The following CSGALNACT1 variants were observed in gnomAD, a reference collection of about 807,000 sequenced individuals.
The protein encoded by CSGALNACT1 is beta4GalNAcT-1.
In CSGALNACT1, 52 loss-of-function variants were observed where a neutral mutation model predicts 51.0. The ratio of observed to expected loss-of-function variants is 1.02; its 90% CI spans 0.82 to 1.29. CSGALNACT1 has a LOEUF of 1.29. Among genes scored for constraint, CSGALNACT1 ranks in the 50% most tolerant of loss-of-function variants. The probability of loss-of-function intolerance (pLI) is 0.00; values close to 1 mark genes in which losing one functional copy is unlikely to be tolerated. For missense variants in CSGALNACT1, 935 were observed against 679.2 expected (o/e 1.38, Z -4.19); for synonymous variants, 341 against 254.4 (o/e 1.34, Z -3.24).
At chr8:19,473,533 A>G (rs2068699298) in intron 4 of CSGALNACT1, among the ~76,000 whole-genome samples, 1 of 152,134 alleles carries the variant, frequency 6.6e-6, no homozygotes, top group Non-Finnish European at 1.5e-5. Context: ...TTGCAGCCTA[A>G]CCCTGGCTTC....
At position 19,485,860 on chromosome 8, in the gene CSGALNACT1, AG is replaced by A. The variant is rs1411791465; in HGVS notation, c.634+19340del. ...CGGCTCAGCACAACCTCTGCCTACCAGGTTCAAGCAAATCTTCTGCCTCAAC... is the reference window on the plus strand; with the variant it reads ...CGGCTCAGCACAACCTCTGCCTACCAGTTCAAGCAAATCTTCTGCCTCAAC... On this transcript the variant is annotated intron_variant, in intron 4 of 9. Coordinates refer to ENST00000454498, the Ensembl canonical transcript of CSGALNACT1. 2.1e-5 allele frequency among the ~76,000 whole-genome samples: 3 copies of A among 139,806 alleles called. No homozygotes were observed. The East Asian group carries it at 6.4e-4, about 30-fold the overall frequency. The allele number at this position is 139,806 out of a possible 152,430, so 91.7% of individuals were successfully genotyped here. A position where few individuals can be genotyped will look rare whatever the true frequency, so the allele number is the denominator to read the frequency against.
chr8:19,554,387 G>C (rs62493895), intron 3 of CSGALNACT1, among the ~76,000 whole-genome samples: 29,243 of 152,038 alleles, frequency 0.19, 2,834 homozygotes, highest in African/African-American at 0.23. Flanking sequence ...GACGGTGAGA[G>C]GAGCTACAGG....
At chr8:19,588,925 T>C (rs1480209658) in intron 3 of CSGALNACT1, among the ~76,000 whole-genome samples, 5 of 152,070 alleles carry the variant, frequency 3.3e-5, no homozygotes, top group Non-Finnish European at 5.9e-5. Context: ...CAATGCATAG[T>C]AGTTGAGGGG....
At position 19,405,974 on chromosome 8, in the gene CSGALNACT1, C is replaced by T. The variant is rs200963366; in HGVS notation, c.1405G>A (p.Val469Met). The change falls in exon 10 of 10, where the codon GTG becomes ATG. Residue 469 changes from valine (V) to methionine (M), a missense_variant. Coordinates refer to ENST00000454498, the Ensembl canonical transcript of CSGALNACT1. ...TGCCAGAGGTGGAAGAGTCCTCGCA[C>T]AGGCGTCCGTACCACTATGAGGTTG... 7 of 1,614,226 alleles carry T rather than the reference C, an allele frequency of 4.3e-6. No individual in the cohort carries two copies. In the East Asian group the frequency reaches 1.3e-4, roughly 31 times the overall value.
chr8:19,405,367 C>T (rs1289540366), exon 10 of CSGALNACT1: 1 of 456,462 alleles, frequency 2.2e-6, no homozygotes, highest in Non-Finnish European at 4.4e-6. Context: ...GAAACTAGAG[C>T]CCTGCTGATA....
intron 3 of CSGALNACT1, among the ~76,000 whole-genome samples, chr8:19,587,630 A>G (rs927305545): frequency 2.6e-5 from 4 of 152,208 alleles, no homozygotes; most frequent in African/African-American, 9.7e-5. Context: ...CCACAAACCT[A>G]TAAGTACCTT....
chr8:19,453,461 A>G (rs2063542340), intron 5 of CSGALNACT1, among the ~76,000 whole-genome samples: 1 of 152,230 alleles, frequency 6.6e-6, no homozygotes, highest in Admixed American at 6.5e-5. Flanking sequence ...AGATGCTAAT[A>G]AATGGAGAAG....
intron 1 of CSGALNACT1, among the ~76,000 whole-genome samples, chr8:19,673,444 G>A (rs1045978548): frequency 1.4e-4 from 21 of 152,288 alleles, no homozygotes; most frequent in African/African-American, 4.6e-4. Context: ...AAACCAAGAC[G>A]GCAGGGATAA....
intron 3 of CSGALNACT1, among the ~76,000 whole-genome samples, chr8:19,513,436 C>CTCTCTCTCTCTCTCTCTCTCTATATATA: frequency 2.4e-5 from 2 of 81,972 alleles, no homozygotes; most frequent in African/African-American, 7.3e-5. Flanking sequence ...CTCTCTCTCT[C>CTCTCTCTCTCTCTCTCTCTCTATATATA]TATATATATA....
chr8:19,564,912 A>G (rs1339869520), intron 3 of CSGALNACT1, among the ~76,000 whole-genome samples: 2 of 152,224 alleles, frequency 1.3e-5, no homozygotes, highest in African/African-American at 4.8e-5. Flanking sequence ...GCAGGGATTC[A>G]GTAAATATTG....
chr8:19,428,933 A>T (rs1430397893), intron 6 of CSGALNACT1, among the ~76,000 whole-genome samples: 4 of 151,844 alleles, frequency 2.6e-5, no homozygotes, highest in African/African-American at 7.3e-5. Flanking sequence ...CACACAACAT[A>T]AAATTTTAAA....
chr8:19,496,926 C>T (rs55856414), intron 4 of CSGALNACT1, among the ~76,000 whole-genome samples: 22,571 of 152,090 alleles, frequency 0.15, 1,989 homozygotes, highest in Non-Finnish European at 0.2. Context: ...GCTGTGCAGC[C>T]GGCGGGAGGG....
intron 1 of CSGALNACT1, among the ~76,000 whole-genome samples, chr8:19,725,074 T>C (rs7817207): frequency 0.56 from 84,568 of 152,078 alleles, 23,938 homozygotes; most frequent in East Asian, 0.83. Context: ...TCTCTAACTA[T>C]TGCTGTTTAA....
intron 5 of CSGALNACT1, among the ~76,000 whole-genome samples, chr8:19,446,396 C>G (rs2062121747): frequency 6.6e-6 from 1 of 152,080 alleles, no homozygotes; most frequent in African/African-American, 2.4e-5. Flanking sequence ...CTCCAACTTC[C>G]TAAGATCCCT....
At chr8:19,520,026 C>T (rs1208755955) in intron 3 of CSGALNACT1, among the ~76,000 whole-genome samples, 1 of 152,192 alleles carries the variant, frequency 6.6e-6, no homozygotes, top group African/African-American at 2.4e-5. Flanking sequence ...GTTTTGCTGG[C>T]GTGTTCTAGG....
At chr8:19,610,436 C>T (rs1347594855) in intron 1 of CSGALNACT1, among the ~76,000 whole-genome samples, 1 of 152,114 alleles carries the variant, frequency 6.6e-6, no homozygotes, top group East Asian at 1.9e-4. Context: ...TTTCCCAAGA[C>T]CACTCTGGCC....
chr8:19,699,723 A>G (rs1365063543), intron 1 of CSGALNACT1, among the ~76,000 whole-genome samples: 1 of 152,236 alleles, frequency 6.6e-6, no homozygotes, highest in African/African-American at 2.4e-5. Flanking sequence ...GATGGTTACA[A>G]AAGAATGTGA....
At chr8:19,464,041 A>T (rs2066131815) in intron 4 of CSGALNACT1, among the ~76,000 whole-genome samples, 1 of 152,196 alleles carries the variant, frequency 6.6e-6, no homozygotes, top group African/African-American at 2.4e-5. Flanking sequence ...GCCCCCACTG[A>T]CATGCGTGCA....
chr8:19,423,772 G>A (rs903462894), intron 6 of CSGALNACT1, among the ~76,000 whole-genome samples: 3 of 152,118 alleles, frequency 2.0e-5, no homozygotes, highest in Non-Finnish European at 2.9e-5. Context: ...AAGGCAATTT[G>A]CTTCCTTTCT....
Sources: gnomAD v4.1 joint callset for allele counts (sites outside exome capture counted in the v4.1 genomes callset) on GRCh38, gnomAD v4.1.1 for gene constraint, MANE v1.5 for transcripts, NCBI Gene and HGNC (gene_info 2026-07-23, HGNC 2026-07-21) for gene names.